The following CDH18 variants were observed in gnomAD, a reference collection of about 807,000 sequenced individuals.
The protein encoded by CDH18 is cadherin-18.
Under a neutral mutation model 67.9 loss-of-function variants are expected in CDH18, and 31 were observed. That is an observed-to-expected ratio of 0.46 (90% confidence interval 0.34 to 0.62). The LOEUF is 0.62. Ranked by LOEUF, CDH18 falls within the 20% of genes least tolerant of loss-of-function variation. The probability of loss-of-function intolerance (pLI) is 0.01; values close to 1 mark genes in which losing one functional copy is unlikely to be tolerated. For missense variants in CDH18, 890 were observed against 975.5 expected (o/e 0.91, Z 1.17); for synonymous variants, 362 against 347.2 (o/e 1.04, Z -0.48).
At chr5:20,484,984 T>A (rs1037312508) in intron 1 of CDH18, among the ~76,000 whole-genome samples, 1 of 152,050 alleles carries the variant, frequency 6.6e-6, no homozygotes, top group Non-Finnish European at 1.5e-5. Context: ...CTTGAGGTGA[T>A]TGATAAAAAA....
chr5:20,016,744 T>C (rs1737915578), intron 2 of CDH18, among the ~76,000 whole-genome samples: 1 of 152,150 alleles, frequency 6.6e-6, no homozygotes, highest in Admixed American at 6.6e-5. Context: ...AATTTTTGTC[T>C]TTCAAGTTTT....
chr5:20,223,714 A>C (rs544860814), intron 2 of CDH18, among the ~76,000 whole-genome samples: 1 of 152,146 alleles, frequency 6.6e-6, no homozygotes, highest in African/African-American at 2.4e-5. Context: ...GTGTTAGTGA[A>C]TAAGTCTGAT....
At chr5:20,184,919 T>C (rs1457914665) in intron 2 of CDH18, among the ~76,000 whole-genome samples, 1 of 152,080 alleles carries the variant, frequency 6.6e-6, no homozygotes, top group Non-Finnish European at 1.5e-5. Flanking sequence ...AAAATAAGCC[T>C]TCCTTGCCTG....
chr5:20,507,259 C>A (rs1298230317), intron 1 of CDH18, among the ~76,000 whole-genome samples: 1 of 152,170 alleles, frequency 6.6e-6, no homozygotes, highest in Non-Finnish European at 1.5e-5. Flanking sequence ...TTGTTTCAAC[C>A]TCTACGTTTT....
At chr5:20,265,265 T>C (rs879772220) in intron 1 of CDH18, among the ~76,000 whole-genome samples, 3 of 152,040 alleles carry the variant, frequency 2.0e-5, no homozygotes, top group African/African-American at 4.8e-5. Context: ...TAAAGAAAAA[T>C]AGTGTTTCAT....
At chr5:19,965,814 C>T (rs931538051) in intron 2 of CDH18, among the ~76,000 whole-genome samples, 2 of 151,932 alleles carry the variant, frequency 1.3e-5, no homozygotes, top group African/African-American at 4.8e-5. Context: ...CTTGTGGGAA[C>T]AAAAGTGCAA....
At chr5:20,350,011 TG>T (rs760550217) in intron 1 of CDH18, among the ~76,000 whole-genome samples, 8 of 152,142 alleles carry the variant, frequency 5.3e-5, no homozygotes, top group Admixed American at 1.3e-4. Flanking sequence ...TTACTCAACC[TG>T]GAAGCAGAAA....
At chr5:19,858,488 C>A (rs1207824522) in intron 2 of CDH18, among the ~76,000 whole-genome samples, 2 of 152,108 alleles carry the variant, frequency 1.3e-5, no homozygotes, top group African/African-American at 4.8e-5. Context: ...AATATAATTG[C>A]AGATCAGGAG....
chr5:20,250,249 G>T (rs1743729678), intron 2 of CDH18, among the ~76,000 whole-genome samples: 1 of 151,270 alleles, frequency 6.6e-6, no homozygotes, highest in African/African-American at 2.4e-5. Context: ...CTTTAAAAAT[G>T]TTTCAGTAAT....
rs757337130 is a variant in CDH18 at position 20,054,190 on chromosome 5, T to A, written c.-517-62176A>T. ...AAAAATCTGTGCCATAAAGGCAGGA[T>A]GTTACATCCCCAAATATAAGGTACA... On this transcript the variant is annotated intron_variant, in intron 2 of 14. Coordinates refer to the CDH18 transcript ENST00000507958. 8.8e-4 allele frequency among the ~76,000 whole-genome samples: 134 copies of A among 152,254 alleles called. 2 individuals carry two copies. Among genetic ancestry groups the A allele is most frequent in the Admixed American group, 3.6e-3 (55 of 15,284 alleles).
chr5:19,569,568 T>C (rs1741007744), intron 8 of CDH18, among the ~76,000 whole-genome samples: 1 of 152,130 alleles, frequency 6.6e-6, no homozygotes, highest in Non-Finnish European at 1.5e-5. Context: ...TGTGTATGTG[T>C]GTCTATGTGT....
chr5:19,797,432 C>T (rs2149834671), intron 3 of CDH18, among the ~76,000 whole-genome samples: 1 of 151,774 alleles, frequency 6.6e-6, no homozygotes, highest in East Asian at 1.9e-4. Context: ...GTAGCAAATC[C>T]CAATGAATCT....
rs1799746404 is a variant in CDH18, at chr5:19,988,106, T to A, written c.-396A>T. 6.6e-6 allele frequency: 1 copy of A among 152,220 alleles called. No homozygotes were observed. The highest frequency in any genetic ancestry group is 1.5e-5 in the Non-Finnish European group (1 of 68,086). 9.4% of individuals were successfully genotyped at this position (152,220 alleles called of 1,614,324 possible). On this transcript the variant is annotated 5_prime_UTR_variant, in exon 1 of 13. Coordinates refer to ENST00000382275, the MANE Select transcript of CDH18 (RefSeq NM_004934.5). Reference sequence around the variant, plus strand: ...CTTACCTTGGCGGACTTGCCCTAACTGGTGGAAAGGAACTTAATTTATAAG... The same window carrying A: ...CTTACCTTGGCGGACTTGCCCTAACAGGTGGAAAGGAACTTAATTTATAAG...
intron 9 of CDH18, among the ~76,000 whole-genome samples, chr5:19,532,500 C>T (rs536225016): frequency 6.6e-6 from 1 of 152,042 alleles, no homozygotes; most frequent in Non-Finnish European, 1.5e-5. Flanking sequence ...TGTGTGAGTG[C>T]CTGGGTTTGT....
chr5:19,638,986 T>TG (rs1753612918), intron 5 of CDH18, among the ~76,000 whole-genome samples: 2 of 82,180 alleles, frequency 2.4e-5, no homozygotes, highest in Admixed American at 2.5e-4. Flanking sequence ...TGTTTTTTTT[T>TG]TTTTTTTTTT....
chr5:20,569,956 A>G (rs1449984863), intron 1 of CDH18, among the ~76,000 whole-genome samples: 2 of 152,186 alleles, frequency 1.3e-5, no homozygotes, highest in Non-Finnish European at 2.9e-5. Context: ...CAACTACATG[A>G]CATTCTGAGA....
At chr5:20,153,147 T>C (rs1424967133) in intron 2 of CDH18, among the ~76,000 whole-genome samples, 2 of 151,918 alleles carry the variant, frequency 1.3e-5, no homozygotes, top group Non-Finnish European at 2.9e-5. Flanking sequence ...TTTCACTGCG[T>C]TAGCCAGGAT....
At position 20,003,297 on chromosome 5, in the gene CDH18, T is replaced by TTGTG. The variant is rs557130483; in HGVS notation, c.-517-11287_-517-11284dup. Among the ~76,000 whole-genome samples, 44 of 150,230 alleles carry TTGTG rather than the reference T, an allele frequency of 2.9e-4. 1 individual carries two copies. Among genetic ancestry groups the TTGTG allele is most frequent in the African/African-American group, 1.0e-3 (41 of 41,100 alleles). ...TATAAATATCAGTATGTGGCTGTGT[T>TTGTG]TGTGTGTGTGTGTGTGTGTATTTGT... is the stretch of plus-strand genomic sequence containing the variant. On this transcript the variant is annotated intron_variant, in intron 2 of 14. Coordinates refer to the CDH18 transcript ENST00000507958.
chr5:20,376,335 G>A (rs1254455486), intron 1 of CDH18, among the ~76,000 whole-genome samples: 1 of 151,178 alleles, frequency 6.6e-6, no homozygotes, highest in East Asian at 2.0e-4. Flanking sequence ...TGATCTGCCC[G>A]CCTCGGCTTC....
Sources: allele counts gnomAD v4.1 joint callset (sites outside exome capture counted in the v4.1 genomes callset), GRCh38; gene constraint gnomAD v4.1.1; transcripts MANE v1.5; gene names NCBI Gene and HGNC (gene_info 2026-07-23, HGNC 2026-07-21).